Variants in ZNF19 observed in about 807,000 individuals in gnomAD.
ZNF19 encodes the protein zinc finger protein 19 (KOX 12).
ZNF19 carries 11 observed loss-of-function variants against 13.1 expected under a neutral mutation model. The ratio of observed to expected loss-of-function variants is 0.84; its 90% CI spans 0.53 to 1.39. The LOEUF is 1.39. Among genes scored for constraint, ZNF19 ranks in the 40% most tolerant of loss-of-function variants. The probability of loss-of-function intolerance (pLI) is 0.00; values close to 1 mark genes in which losing one functional copy is unlikely to be tolerated. For synonymous variants in ZNF19, 186 were observed against 187.0 expected (o/e 0.99, Z 0.04); for missense variants, 560 against 547.0 (o/e 1.02, Z -0.24).
intron 3 of ZNF19, among the ~76,000 whole-genome samples, chr16:71,479,284 T>C (rs1023301847): frequency 1.3e-5 from 2 of 152,228 alleles, no homozygotes; most frequent in Non-Finnish European, 2.9e-5. Flanking sequence ...AGTCTCTTAT[T>C]AGTTAACCTT....
At position 71,475,399 on chromosome 16, in the gene ZNF19, G is replaced by GTCTT; in HGVS notation, c.1147_1148insAAGA (p.Ser383Ter). On this transcript the variant is annotated stop_gained and frameshift_variant, in exon 6 of 6. Coordinates refer to ENST00000288177, the MANE Select transcript of ZNF19 (RefSeq NM_006961.4). LOFTEE classifies it low-confidence loss of function (END_TRUNC). ...TCCACACTCATCACATACATAGGAAGACTCCTGAGTATGAATTCTCAGATG... is the reference window on the plus strand; with the variant it reads ...TCCACACTCATCACATACATAGGAAGTCTTACTCCTGAGTATGAATTCTCAGATG... 6.2e-7 allele frequency: 1 copy of GTCTT among 1,613,878 alleles called. No homozygotes were observed.
At chr16:71,489,117 G>C (rs1434443984) in intron 1 of ZNF19, 155 bp downstream of exon 1, 1 of 421,206 alleles carries the variant, frequency 2.4e-6, no homozygotes, top group East Asian at 1.6e-4. Context: ...CAGCCTCCAA[G>C]AGCAAACAGC....
chr16:71,486,430 A>G (rs967765996), intron 1 of ZNF19, among the ~76,000 whole-genome samples: 3 of 152,178 alleles, frequency 2.0e-5, no homozygotes, highest in Admixed American at 6.5e-5. Flanking sequence ...TTGAACGTGA[A>G]AGAGGGAATT....
intron 3 of ZNF19, among the ~76,000 whole-genome samples, chr16:71,479,995 G>A (rs1265008713): frequency 1.3e-5 from 2 of 151,932 alleles, no homozygotes; most frequent in Admixed American, 6.6e-5. Context: ...GTTTTGCCAC[G>A]TTCCCCAGGC....
At position 71,484,705 on chromosome 16, in the gene ZNF19, G is replaced by A. The variant is rs2043663763; in HGVS notation, c.-146C>T. 1 of 985,302 alleles carries A rather than the reference G, an allele frequency of 1.0e-6. No individual in the cohort carries two copies. The highest frequency in any genetic ancestry group is 1.7e-5 in the African/African-American group (1 of 57,238). The allele number at this position is 985,302 out of a possible 1,614,324, so 61.0% of individuals were successfully genotyped here. A position where few individuals can be genotyped will look rare whatever the true frequency, so the allele number is the denominator to read the frequency against. ...GAGCGGTCTTCTCAGTGGTTGTGTG[G>A]TTTTACTCCCGGGAGGAGTTTCCAC... On this transcript the variant is annotated 5_prime_UTR_variant, in exon 2 of 6. Coordinates refer to ENST00000288177, the MANE Select transcript of ZNF19 (RefSeq NM_006961.4).
rs1369451665 is a variant in ZNF19, at chr16:71,478,936, G to C, written c.103C>G (p.Gln35Glu). The C allele has an allele frequency of 6.2e-7, 1 of 1,614,072 alleles. No homozygotes were observed. The highest frequency in any genetic ancestry group is 8.5e-7 in the Non-Finnish European group (1 of 1,180,042). ...ATCACACTTCTGTACAGGGCCCTCT[G>C]GGCAGGAGAAAGGCCAGTCCATTCT... ...KTEWTGLSPAQRALYRSVMLE... is the reference protein window; with the variant it reads ...KTEWTGLSPAERALYRSVMLE... Residue 35 changes from glutamine to glutamate, a missense_variant, in exon 4 of 6, where the codon CAG (glutamine) becomes GAG (glutamate). Coordinates refer to ENST00000288177, the MANE Select transcript of ZNF19 (RefSeq NM_006961.4).
Position 71,475,985 on chromosome 16 carries a change from G to T in ZNF19, c.562C>A (p.Pro188Thr). Reference sequence around the variant, plus strand: ...TTTCCACACTCACTACACTCAAAAGGTTTCTCCCCAGTGTGGATTCTCTGG... The same window carrying T: ...TTTCCACACTCACTACACTCAAAAGTTTTCTCCCCAGTGTGGATTCTCTGG... ...RHQRIHTGEK[P>T]FECSECGKAF... Residue 188 changes from proline (P) to threonine (T), a missense_variant, in exon 6 of 6, where the codon CCT becomes ACT. Transcript: ENST00000288177. The T allele has an allele frequency of 1.9e-6, 3 of 1,614,120 alleles. No individual in the cohort carries two copies. Among genetic ancestry groups the T allele is most frequent in the Non-Finnish European group, 2.5e-6 (3 of 1,180,030 alleles).
intron 3 of ZNF19, 104 bp from the exon 4 acceptor site, chr16:71,479,109 G>A: frequency 1.3e-6 from 2 of 1,505,488 alleles, no homozygotes; most frequent in Non-Finnish European, 1.8e-6. Context: ...TCCTGTGAGG[G>A]ATAGGTAATG....
In ZNF19 at chr16:71,474,945, T is replaced by C. The variant is rs1246926679; in HGVS notation, c.*225A>G. ...CACCTCTGTAAGAGTCTAGTTCTTC[T>C]TCTCAGCATTAAAACCAATGGGGGT... is the stretch of plus-strand genomic sequence containing the variant. On this transcript the variant is annotated 3_prime_UTR_variant, in exon 6 of 6. Transcript: ENST00000288177. The C allele has an allele frequency of 5.4e-5, 30 of 554,896 alleles. No homozygotes were observed. In the East Asian group the frequency reaches 8.2e-4, roughly 15 times the overall value. The allele number at this position is 554,896 out of a possible 1,614,324, so 34.4% of individuals were successfully genotyped here.
At chr16:71,482,247 G>A (rs1266049297) in intron 2 of ZNF19, 104 bp from the exon 3 acceptor site, 9 of 993,008 alleles carry the variant, frequency 9.1e-6, no homozygotes, top group African/African-American at 1.6e-5. Context: ...CTTACTAAAT[G>A]CTCACTGGGT....
chr16:71,474,901 G>T lies in ZNF19; in HGVS notation c.*269C>A. On this transcript the variant is annotated 3_prime_UTR_variant, in exon 6 of 6. Coordinates refer to ENST00000288177, the MANE Select transcript of ZNF19 (RefSeq NM_006961.4). ...CTCTCCAATTCTCAGATGCATTTTT[G>T]CTGTGTGGACTTCATTCTCACCTCT... is the stretch of plus-strand genomic sequence containing the variant. 1 of 404,218 alleles carries T rather than the reference G, an allele frequency of 2.5e-6. No individual in the cohort carries two copies. 25.0% of individuals were successfully genotyped at this position (404,218 alleles called of 1,614,324 possible). A position where few individuals can be genotyped will look rare whatever the true frequency, so the allele number is the denominator to read the frequency against.
intron 5 of ZNF19, among the ~76,000 whole-genome samples, chr16:71,477,724 C>T (rs1442848707): frequency 2.0e-5 from 3 of 152,088 alleles, no homozygotes; most frequent in Non-Finnish European, 2.9e-5. Flanking sequence ...GCTCTGAATT[C>T]CTATGAATTC....
intron 3 of ZNF19, 152 bp downstream of exon 3, chr16:71,481,930 T>C (rs2043639343): frequency 1.3e-6 from 1 of 766,514 alleles, no homozygotes; most frequent in Non-Finnish European, 2.2e-6. Context: ...TCACTGCCCC[T>C]AGCTCTTTCC....
Position 71,475,303 on chromosome 16 carries a change from C to G in ZNF19, c.1244G>C (p.Cys415Ser). ...CCCAAAGGCCTTCTCATACTTGCTA[C>G]ACTCATAGGGTTTCTCTCCAGTATG... Reference protein sequence around the residue: ...RIHTGEKPYECSKYEKAFGTS... With the variant: ...RIHTGEKPYESSKYEKAFGTS... Residue 415 changes from cysteine (C) to serine (S), a missense_variant, in exon 6 of 6, where the codon TGT becomes TCT. By Grantham distance (112) the Cys-to-Ser change is moderately radical. Coordinates refer to ENST00000288177, the MANE Select transcript of ZNF19 (RefSeq NM_006961.4). 1 of 1,614,224 alleles carries G rather than the reference C, an allele frequency of 6.2e-7. No individual in the cohort carries two copies. The highest frequency in any genetic ancestry group is 8.5e-7 in the Non-Finnish European group (1 of 1,180,026).
rs2043704436 is a variant in ZNF19, at chr16:71,489,307, C to A, written c.-225G>T. 1 of 985,378 alleles carries A rather than the reference C, an allele frequency of 1.0e-6. No individual in the cohort carries two copies. The highest frequency in any genetic ancestry group is 4.7e-5 in the South Asian group (1 of 21,292). The allele number at this position is 985,378 out of a possible 1,614,324, so 61.0% of individuals were successfully genotyped here. A position where few individuals can be genotyped will look rare whatever the true frequency, so the allele number is the denominator to read the frequency against. ...GGACTCAAAACAGGCCAGAAGCGCA[C>A]CGCTAGCGAGAACGGTTAGGAGGCC... On this transcript the variant is annotated 5_prime_UTR_variant, in exon 1 of 6. Transcript: ENST00000288177.
At position 71,484,610 on chromosome 16, in the gene ZNF19, T is replaced by A; in HGVS notation, c.-51A>T. 5.1e-6 allele frequency: 5 copies of A among 985,440 alleles called. No homozygotes were observed. The highest frequency in any genetic ancestry group is 6.0e-6 in the Non-Finnish European group (5 of 829,974). 61.0% of individuals were successfully genotyped at this position (985,440 alleles called of 1,614,324 possible). On this transcript the variant is annotated 5_prime_UTR_variant, in exon 2 of 6. Transcript: ENST00000288177. Reference sequence around the variant, plus strand: ...TCACCTCAGGAAAAACAGAAAGCGGTGCGTGAACGGAAGTGCGTCACTACT... The same window carrying A: ...TCACCTCAGGAAAAACAGAAAGCGGAGCGTGAACGGAAGTGCGTCACTACT...
rs1708262388 is a variant in ZNF19 at position 71,474,438 on chromosome 16, C to A, written c.*732G>T. 6.6e-6 allele frequency: 1 copy of A among 152,130 alleles called. No individual in the cohort carries two copies. The allele number at this position is 152,130 out of a possible 1,614,324, so 9.4% of individuals were successfully genotyped here. The stretch of plus-strand genomic sequence containing the variant: ...TTAAGACTTTTCTTGAGAATGGATT[C>A]ACTGGTGCAGACATAATTTTGTAGT... On this transcript the variant is annotated 3_prime_UTR_variant, in exon 6 of 6. Transcript: ENST00000288177.
Sources: allele counts gnomAD v4.1 joint callset (sites outside exome capture counted in the v4.1 genomes callset), GRCh38; gene constraint gnomAD v4.1.1; transcripts MANE v1.5; gene names NCBI Gene and HGNC (gene_info 2026-07-23, HGNC 2026-07-21).